The following SLC44A5 variants were observed in gnomAD, a reference collection of about 807,000 sequenced individuals.
SLC44A5 encodes solute carrier family 44 member 5, also known as choline transporter-like protein 5.
Under a neutral mutation model 101.8 loss-of-function variants are expected in SLC44A5, and 57 were observed. The observed-to-expected ratio is 0.56, with a 90% CI of 0.45 to 0.70. The LOEUF is 0.70. Ranked by LOEUF, SLC44A5 falls within the 30% of genes least tolerant of loss-of-function variation. The pLI is 0.00. For synonymous variants in SLC44A5, 281 were observed against 290.9 expected, an observed-to-expected ratio of 0.97 and a Z score of 0.35; for missense variants, 737 against 853.1, an observed-to-expected ratio of 0.86 and a Z score of 1.70.
intron 3 of SLC44A5, among the ~76,000 whole-genome samples, chr1:75,363,691 T>C (rs1469945174): frequency 6.6e-6 from 1 of 152,198 alleles, no homozygotes; most frequent in Non-Finnish European, 1.5e-5. Context: ...ATATTAGAGA[T>C]AAAATTGCTT....
the SLC44A5 span, among the ~76,000 whole-genome samples, chr1:75,714,449 T>TA: frequency 6.6e-6 from 1 of 152,072 alleles, no homozygotes; most frequent in Non-Finnish European, 1.5e-5. Context: ...TGCCCACTCT[T>TA]ACCACTCCTA....
At position 75,378,126 on chromosome 1, in the gene SLC44A5, C is replaced by A. The variant is rs370614626; in HGVS notation, c.52+18457G>T. ...AGCGTGGTCATTGAGGACAAGTCGACGAGAGATCCCAAGTACGTCTACAGT... is the reference window on the plus strand; with the variant it reads ...AGCGTGGTCATTGAGGACAAGTCGAAGAGAGATCCCAAGTACGTCTACAGT... On this transcript the variant is annotated intron_variant, in intron 3 of 23. Transcript: ENST00000370859. 9.9e-5 allele frequency among the ~76,000 whole-genome samples: 8 copies of A among 80,738 alleles called. No homozygotes were observed. The South Asian group carries it at 1.5e-3, about 15-fold the overall frequency. 53.0% of individuals were successfully genotyped at this position (80,738 alleles called of 152,430 possible). A position where few individuals can be genotyped will look rare whatever the true frequency, so the allele number is the denominator to read the frequency against.
chr1:75,229,050 G>C (rs1647327819), intron 12 of SLC44A5, among the ~76,000 whole-genome samples: 1 of 150,080 alleles, frequency 6.7e-6, no homozygotes, highest in Non-Finnish European at 1.5e-5. Context: ...TTTTATTTTT[G>C]TATTACATCT....
At chr1:75,545,949 T>A (rs1671627955) in intron 1 of SLC44A5, among the ~76,000 whole-genome samples, 1 of 151,602 alleles carries the variant, frequency 6.6e-6, no homozygotes, top group South Asian at 2.1e-4. Flanking sequence ...CAACTCAACC[T>A]CCCAAGTAGC....
chr1:75,645,687 C>A, the SLC44A5 span, among the ~76,000 whole-genome samples: 2 of 146,082 alleles, frequency 1.4e-5, no homozygotes, highest in Admixed American at 1.4e-4. Context: ...GTGTTTTAGA[C>A]ATGAAGTCCT....
chr1:75,490,855 G>T (rs1378622889), intron 2 of SLC44A5, among the ~76,000 whole-genome samples: 1 of 151,920 alleles, frequency 6.6e-6, no homozygotes, highest in Non-Finnish European at 1.5e-5. Flanking sequence ...GCTGAGTAAA[G>T]AATTGATATT....
At chr1:75,507,181 G>A (rs1314162094) in intron 2 of SLC44A5, among the ~76,000 whole-genome samples, 1 of 151,874 alleles carries the variant, frequency 6.6e-6, no homozygotes, top group Non-Finnish European at 1.5e-5. Context: ...GTTGGCAATG[G>A]GTTTATCACA....
At chr1:75,543,086 A>G (rs1027161978) in intron 1 of SLC44A5, among the ~76,000 whole-genome samples, 4 of 152,202 alleles carry the variant, frequency 2.6e-5, no homozygotes, top group Admixed American at 6.5e-5. Context: ...GATGCCATGC[A>G]TACACAATAA....
intron 3 of SLC44A5, among the ~76,000 whole-genome samples, chr1:75,389,037 A>G (rs1661606558): frequency 6.6e-6 from 1 of 152,160 alleles, no homozygotes; most frequent in African/African-American, 2.4e-5. Context: ...CTATTCTTGT[A>G]TGAGATAAAA....
chr1:75,224,011 AC>A (rs1647144690), intron 13 of SLC44A5, among the ~76,000 whole-genome samples: 1 of 152,188 alleles, frequency 6.6e-6, no homozygotes, highest in Non-Finnish European at 1.5e-5. Context: ...ATAAAATTGC[AC>A]CCTCAAAATA....
chr1:75,270,605 G>A lies in SLC44A5; in HGVS notation c.260+4353C>T, dbSNP rs143525795. Among the ~76,000 whole-genome samples, 96 of 152,158 alleles carry A rather than the reference G, an allele frequency of 6.3e-4. 2 individuals carry two copies. The East Asian group carries it at 0.016, about 25-fold the overall frequency. On this transcript the variant is annotated intron_variant, in intron 6 of 23. Transcript: ENST00000370859. ...TATTGGAGAATGTTATTTTCAGGGC[G>A]AGGAAGGCAATGATAACCCAGACCC...
the SLC44A5 span, among the ~76,000 whole-genome samples, chr1:75,657,165 A>G: frequency 6.6e-6 from 1 of 152,018 alleles, no homozygotes; most frequent in Non-Finnish European, 1.5e-5. Context: ...TAAAAATAAA[A>G]GACATAGAAT....
At chr1:75,268,967 T>C (rs1651233599) in intron 6 of SLC44A5, among the ~76,000 whole-genome samples, 1 of 152,130 alleles carries the variant, frequency 6.6e-6, no homozygotes, top group Admixed American at 6.6e-5. Context: ...TAGATGAGTT[T>C]CTAGGATGAA....
chr1:75,491,452 C>T (rs1219516619), intron 2 of SLC44A5, among the ~76,000 whole-genome samples: 3 of 151,850 alleles, frequency 2.0e-5, no homozygotes, highest in Admixed American at 6.6e-5. Context: ...TTTCCTGTTA[C>T]TTATAGTTGG....
At chr1:75,217,252 G>A (rs622132) in intron 18 of SLC44A5, among the ~76,000 whole-genome samples, 119,538 of 151,864 alleles carry the variant, frequency 0.79, 47,222 homozygotes, top group East Asian at 0.98. Flanking sequence ...TTAGTTTCTG[G>A]GATTTCTGTT....
intron 1 of SLC44A5, among the ~76,000 whole-genome samples, chr1:75,600,254 A>C (rs1674892535): frequency 6.6e-6 from 1 of 152,168 alleles, no homozygotes; most frequent in Admixed American, 6.6e-5. Flanking sequence ...CAGACAGATA[A>C]AGATGTCATT....
chr1:75,490,503 GAA>G (rs1275365154), intron 2 of SLC44A5, among the ~76,000 whole-genome samples: 1 of 152,100 alleles, frequency 6.6e-6, no homozygotes, highest in Non-Finnish European at 1.5e-5. Context: ...TATAATTTAT[GAA>G]AAGAGCATCT....
the SLC44A5 span, among the ~76,000 whole-genome samples, chr1:75,692,209 T>C: frequency 1.4e-4 from 19 of 139,992 alleles, no homozygotes; most frequent in African/African-American, 2.5e-4. Flanking sequence ...TTTTTTTTTT[T>C]CTGAGACAGA....
chr1:75,518,325 AATACATATAAATAGGC>A (rs1669940597), intron 2 of SLC44A5, among the ~76,000 whole-genome samples: 1 of 152,370 alleles, frequency 6.6e-6, no homozygotes, highest in Middle Eastern at 3.4e-3. Flanking sequence ...AATTATTTAT[AATACATATAAATAGGC>A]ATATATTGAA....
Sources: allele counts gnomAD v4.1 joint callset (sites outside exome capture counted in the v4.1 genomes callset), GRCh38; gene constraint gnomAD v4.1.1; transcripts MANE v1.5; gene names NCBI Gene and HGNC (gene_info 2026-07-23, HGNC 2026-07-21).